Variants in FARP1 observed in about 807,000 individuals in gnomAD.
The protein encoded by FARP1 is FERM, ARH/RhoGEF and pleckstrin domain protein 1.
FARP1 carries 52 observed loss-of-function variants against 128.8 expected under a neutral mutation model. That is an observed-to-expected ratio of 0.40 (90% CI 0.32 to 0.51). FARP1 has a LOEUF of 0.51. Ranked by LOEUF, FARP1 falls within the 20% of genes least tolerant of loss-of-function variation. The pLI is 0.45. For synonymous variants in FARP1, 580 were observed against 551.8 expected, an observed-to-expected ratio of 1.05 and a Z score of -0.72; for missense variants, 1,333 against 1,367.9, an observed-to-expected ratio of 0.97 and a Z score of 0.40.
intron 3 of FARP1, among the ~76,000 whole-genome samples, chr13:98,362,383 G>A (rs758548491): frequency 6.6e-6 from 1 of 152,156 alleles, no homozygotes; most frequent in Non-Finnish European, 1.5e-5. Flanking sequence ...TGCACCAGAC[G>A]TTCAGACCCA....
intron 16 of FARP1, among the ~76,000 whole-genome samples, chr13:98,418,344 G>C (rs988736668): frequency 6.6e-6 from 1 of 151,740 alleles, no homozygotes. Context: ...GTGTGATCTT[G>C]GCTCACTGCA....
intron 1 of FARP1, among the ~76,000 whole-genome samples, chr13:98,158,605 A>G (rs932877105): frequency 4.6e-5 from 7 of 152,134 alleles, no homozygotes; most frequent in Non-Finnish European, 1.0e-4. Context: ...GGCTCCAGGT[A>G]CCATTTGAGA....
At position 98,448,962 on chromosome 13, in the gene FARP1, C is replaced by G. The variant is rs1335991705; in HGVS notation, c.*645C>G. On this transcript the variant is annotated 3_prime_UTR_variant, in exon 27 of 27. Transcript: ENST00000319562. ...AACCTACTTCTTGGTGCAAGTTGAC[C>G]AAATCGTTTTAAGTGGTAACTCTTT... is the stretch of plus-strand genomic sequence containing the variant. 2.6e-5 allele frequency: 4 copies of G among 152,196 alleles called. No homozygotes were observed. Among genetic ancestry groups the G allele is most frequent in the Non-Finnish European group, 5.9e-5 (4 of 68,072 alleles). The allele number at this position is 152,196 out of a possible 1,614,324, so 9.4% of individuals were successfully genotyped here.
intron 2 of FARP1, among the ~76,000 whole-genome samples, chr13:98,235,641 A>G (rs985552301): frequency 3.9e-5 from 6 of 152,126 alleles, no homozygotes; most frequent in African/African-American, 1.4e-4. Context: ...ACTAGTGTTA[A>G]TAAGTATATT....
Position 98,366,525 on chromosome 13 carries a change from T to C in FARP1, c.319+1088T>C, listed in dbSNP as rs370857598. ...CATTTGTCCCCCGCATGAAGGGAAC[T>C]GCTAACAGTGGCAAGGTATATCTTT... On this transcript the variant is annotated intron_variant, in intron 4 of 26. Coordinates refer to ENST00000319562, the MANE Select transcript of FARP1 (RefSeq NM_005766.4). Among the ~76,000 whole-genome samples, 100 of 152,346 alleles carry C rather than the reference T, an allele frequency of 6.6e-4. No individual in the cohort carries two copies. The South Asian group carries it at 0.013, about 20-fold the overall frequency.
chr13:98,173,986 C>A (rs1877825867), intron 1 of FARP1, among the ~76,000 whole-genome samples: 1 of 152,204 alleles, frequency 6.6e-6, no homozygotes, highest in Non-Finnish European at 1.5e-5. Flanking sequence ...GGGAAGGACT[C>A]AGCTCCCAAG....
intron 1 of FARP1, among the ~76,000 whole-genome samples, chr13:98,180,071 A>G (rs1171333514): frequency 1.3e-5 from 2 of 151,838 alleles, no homozygotes; most frequent in Non-Finnish European, 1.5e-5. Context: ...GGGGTGGGAG[A>G]TTGTGTTAGT....
chr13:98,240,749 TGA>T (rs1882720028), intron 2 of FARP1, among the ~76,000 whole-genome samples: 1 of 152,194 alleles, frequency 6.6e-6, no homozygotes, highest in Admixed American at 6.5e-5. Context: ...AAATAACACC[TGA>T]GAGAGTGGGT....
chr13:98,215,838 T>C (rs1375012365), intron 2 of FARP1, among the ~76,000 whole-genome samples: 2 of 152,014 alleles, frequency 1.3e-5, no homozygotes, highest in Non-Finnish European at 2.9e-5. Context: ...GTCTCTAGGC[T>C]GAAGTGCAGT....
intron 2 of FARP1, among the ~76,000 whole-genome samples, chr13:98,306,579 A>G (rs138359299): frequency 3.9e-5 from 6 of 152,028 alleles, no homozygotes; most frequent in East Asian, 1.9e-4. Context: ...CAGTCGTGCA[A>G]TTGTGGCCCG....
intron 2 of FARP1, among the ~76,000 whole-genome samples, chr13:98,305,437 G>A (rs1467957442): frequency 2.0e-5 from 3 of 151,946 alleles, no homozygotes; most frequent in Admixed American, 6.6e-5. Context: ...GGGTTCAAGC[G>A]ATTCTCCTGC....
intron 2 of FARP1, among the ~76,000 whole-genome samples, chr13:98,314,984 G>A (rs552309389): frequency 5.3e-4 from 81 of 152,284 alleles, no homozygotes; most frequent in African/African-American, 1.9e-3. Flanking sequence ...CTGTGTGGGC[G>A]AGAGAGAAGC....
At position 98,409,440 on chromosome 13, in the gene FARP1, C is replaced by T. The variant is rs1891106151; in HGVS notation, c.1517C>T (p.Thr506Ile). ...TTGTCTCCCAACCTGAGCCCCGACA[C>T]CAAGCAGGCCTCTCCCTTGATCAGC... ...VTLSPNLSPD[T>I]KQASPLISPL... is the part of the protein sequence containing the mutation. The change falls in exon 14 of 27, where the codon ACC (threonine) becomes ATC (isoleucine). Residue 506 changes from threonine (T) to isoleucine (I), a missense_variant. This residue lies in a region of FARP1 where 1,009 missense variants were observed against 969.8 expected (regional missense o/e 1.04). Coordinates refer to ENST00000319562, the MANE Select transcript of FARP1 (RefSeq NM_005766.4). The T allele has an allele frequency of 6.2e-7, 1 of 1,614,122 alleles. No homozygotes were observed. Among genetic ancestry groups the T allele is most frequent in the Middle Eastern group, 1.6e-4 (1 of 6,062 alleles).
chr13:98,374,012 A>G (rs1889469091), intron 5 of FARP1, among the ~76,000 whole-genome samples: 1 of 152,242 alleles, frequency 6.6e-6, no homozygotes, highest in South Asian at 2.1e-4. Flanking sequence ...TCACATTAGT[A>G]AGATATCCTT....
At chr13:98,364,434 T>G (rs1451174535) in intron 3 of FARP1, among the ~76,000 whole-genome samples, 1 of 152,254 alleles carries the variant, frequency 6.6e-6, no homozygotes, top group Non-Finnish European at 1.5e-5. Flanking sequence ...TAGTGCAGAT[T>G]ACTCCTGAAC....
intron 2 of FARP1, among the ~76,000 whole-genome samples, chr13:98,239,915 G>A (rs1339835687): frequency 6.6e-6 from 1 of 152,168 alleles, no homozygotes; most frequent in East Asian, 1.9e-4. Flanking sequence ...GAAGGAGGAG[G>A]GGCCCAAAGA....
intron 6 of FARP1, among the ~76,000 whole-genome samples, chr13:98,380,191 A>T (rs1444778364): frequency 6.6e-6 from 1 of 152,130 alleles, no homozygotes; most frequent in East Asian, 1.9e-4. Flanking sequence ...TCACGCCTGT[A>T]ATCCCAGCAC....
Position 98,453,096 on chromosome 13 carries a change from C to T in FARP1, c.*4779C>T. ...ACCTCTTCGGTGGAGTCAGCGAAGG[C>T]TCTCGTTGACTTTTAAAAAAGGAGG... On this transcript the variant is annotated 3_prime_UTR_variant, in exon 27 of 27. Coordinates refer to ENST00000319562, the MANE Select transcript of FARP1 (RefSeq NM_005766.4). 1.9e-6 allele frequency: 3 copies of T among 1,565,464 alleles called. No individual in the cohort carries two copies. The highest frequency in any genetic ancestry group is 2.6e-6 in the Non-Finnish European group (3 of 1,142,264).
At chr13:98,365,978 T>C (rs1889066212) in intron 4 of FARP1, among the ~76,000 whole-genome samples, 1 of 151,786 alleles carries the variant, frequency 6.6e-6, no homozygotes, top group Non-Finnish European at 1.5e-5. Flanking sequence ...AGACTGTGTG[T>C]TGGAAAGAAA....
Sources: gnomAD v4.1 joint callset for allele counts (sites outside exome capture counted in the v4.1 genomes callset) on GRCh38, gnomAD v4.1.1 for gene constraint, gnomAD v4.1.1 regional missense constraint, MANE v1.5 for transcripts, NCBI Gene and HGNC (gene_info 2026-07-23, HGNC 2026-07-21) for gene names.